The following SPATA16 variants were observed in gnomAD, a reference collection of about 807,000 sequenced individuals.
SPATA16 encodes the protein spermatogenesis associated 16.
A neutral mutation model predicts 63.3 loss-of-function variants in SPATA16; 36 were observed. The observed-to-expected ratio is 0.57, with a 90% CI of 0.44 to 0.75. The LOEUF (loss-of-function observed/expected upper bound fraction) is 0.75. SPATA16 is among the 30% of genes least tolerant of loss of function. The probability of loss-of-function intolerance (pLI) is 0.00; values close to 1 mark genes in which losing one functional copy is unlikely to be tolerated. For synonymous variants in SPATA16, 203 were observed against 216.7 expected, an observed-to-expected ratio of 0.94 and a Z score of 0.56; for missense variants, 646 against 679.3, an observed-to-expected ratio of 0.95 and a Z score of 0.54.
chr3:173,001,272 T>TTTTTTTTTGTTTTTTG lies in SPATA16; in HGVS notation c.848+18213_848+18214insCAAAAAACAAAAAAAA, dbSNP rs1553790848. ...CTTGACCAATGCTTCTCAGTTGTTT[T>TTTTTTTTTGTTTTTTG]TTTTTTTTTGTTTTCACCCTTAGGT... On this transcript the variant is annotated intron_variant, in intron 4 of 10. Coordinates refer to ENST00000351008, the MANE Select transcript of SPATA16 (RefSeq NM_031955.6). 7.4e-4 allele frequency among the ~76,000 whole-genome samples: 112 copies of TTTTTTTTTGTTTTTTG among 151,746 alleles called. 1 individual carries two copies. Among genetic ancestry groups the TTTTTTTTTGTTTTTTG allele is most frequent in the African/African-American group, 2.6e-3 (109 of 41,262 alleles).
chr3:172,932,757 G>C (rs1732899970), intron 6 of SPATA16, among the ~76,000 whole-genome samples: 1 of 151,998 alleles, frequency 6.6e-6, no homozygotes, highest in African/African-American at 2.4e-5. Flanking sequence ...ATCTGAGAAA[G>C]TCATATGTAT....
At chr3:173,011,206 T>C (rs1237969084) in intron 4 of SPATA16, among the ~76,000 whole-genome samples, 2 of 152,158 alleles carry the variant, frequency 1.3e-5, no homozygotes, top group Admixed American at 6.5e-5. Flanking sequence ...AAAAAGTTAA[T>C]TCACCATAAT....
chr3:172,978,153 C>A (rs1001603632), intron 4 of SPATA16, among the ~76,000 whole-genome samples: 6 of 148,798 alleles, frequency 4.0e-5, no homozygotes, highest in African/African-American at 1.5e-4. Context: ...CTCTCTCTCT[C>A]TCTCTCTCTA....
At chr3:173,044,571 T>A (rs1017440104) in intron 3 of SPATA16, among the ~76,000 whole-genome samples, 3 of 152,148 alleles carry the variant, frequency 2.0e-5, no homozygotes, top group Admixed American at 2.0e-4. Context: ...CAGTTCTACA[T>A]CTGGGTCTCG....
rs551746634 is a variant in SPATA16 at position 172,978,387 on chromosome 3, C to T, written c.849-1335G>A. 1.9e-3 allele frequency among the ~76,000 whole-genome samples: 293 copies of T among 152,222 alleles called. 1 individual carries two copies. The highest frequency in any genetic ancestry group is 6.8e-3 in the African/African-American group (282 of 41,552). ...ATTGTAGAGGGACAAAAGTGCATTT[C>T]AAATGTTTGCATTTTGATAGAAGCA... On this transcript the variant is annotated intron_variant, in intron 4 of 10. Coordinates refer to ENST00000351008, the MANE Select transcript of SPATA16 (RefSeq NM_031955.6).
chr3:172,919,565 G>A (rs1363098119), intron 8 of SPATA16, among the ~76,000 whole-genome samples: 2 of 152,150 alleles, frequency 1.3e-5, no homozygotes, highest in East Asian at 3.8e-4. Context: ...TTTACCGACT[G>A]TATTCACCAC....
intron 8 of SPATA16, among the ~76,000 whole-genome samples, chr3:172,920,452 C>T (rs988506547): frequency 6.6e-6 from 1 of 152,114 alleles, no homozygotes; most frequent in Non-Finnish European, 1.5e-5. Flanking sequence ...GGTTTGGAAG[C>T]AAGAGTGTTT....
In SPATA16 at chr3:172,916,208, C is replaced by T. The variant is rs62282586; in HGVS notation, c.1503+109G>A. 6,956 of 1,368,050 alleles carry T rather than the reference C, an allele frequency of 5.1e-3. 32 individuals carry two copies. The highest frequency in any genetic ancestry group is 6.7e-3 in the Non-Finnish European group (6,544 of 978,266). 84.7% of individuals were successfully genotyped at this position (1,368,050 alleles called of 1,614,324 possible). A position where few individuals can be genotyped will look rare whatever the true frequency, so the allele number is the denominator to read the frequency against. On this transcript the variant is annotated intron_variant, in intron 9 of 10. Transcript: ENST00000351008. ...TCAAGAAGGTTTGGGAGTTTGCCCT[C>T]AGGCTACATTTATTACCACAGGATT...
chr3:172,902,896 T>C (rs1732151658), intron 10 of SPATA16, among the ~76,000 whole-genome samples: 1 of 152,212 alleles, frequency 6.6e-6, no homozygotes, highest in African/African-American at 2.4e-5. Flanking sequence ...GGATAAATGA[T>C]CCATGTCTTC....
chr3:172,971,914 A>T (rs1734054980), intron 5 of SPATA16, among the ~76,000 whole-genome samples: 1 of 152,136 alleles, frequency 6.6e-6, no homozygotes, highest in African/African-American at 2.4e-5. Flanking sequence ...AAGGAGTTGT[A>T]AAAGAGTCTT....
chr3:173,065,729 T>C lies in SPATA16; in HGVS notation c.613-16635A>G, dbSNP rs1006917083. Among the ~76,000 whole-genome samples the C allele has an allele frequency of 5.9e-5, 9 of 152,164 alleles. No homozygotes were observed. In the South Asian group the frequency reaches 6.2e-4, roughly 11 times the overall value. ...AGTAAAGTGAGTGTGGGGCTTTGCA[T>C]TGAAACTCAGTGCTGCCCTGTCACA... On this transcript the variant is annotated intron_variant, in intron 2 of 10. Coordinates refer to ENST00000351008, the MANE Select transcript of SPATA16 (RefSeq NM_031955.6).
chr3:173,103,570 G>A (rs59736031), intron 2 of SPATA16, among the ~76,000 whole-genome samples: 8,907 of 152,282 alleles, frequency 0.058, 727 homozygotes, highest in African/African-American at 0.18. Flanking sequence ...CTTTTGAGCC[G>A]CAGCTGGAGC....
intron 4 of SPATA16, among the ~76,000 whole-genome samples, chr3:173,011,319 A>G (rs1057108261): frequency 6.6e-6 from 1 of 152,260 alleles, no homozygotes; most frequent in Non-Finnish European, 1.5e-5. Flanking sequence ...CCATATTATC[A>G]TCTAAATAGA....
intron 5 of SPATA16, among the ~76,000 whole-genome samples, chr3:172,962,492 C>T (rs903921787): frequency 6.6e-6 from 1 of 152,022 alleles, no homozygotes. Flanking sequence ...AAATTTGAAA[C>T]TTGGAATCTC....
At chr3:172,914,218 G>T (rs1338259198) in intron 9 of SPATA16, among the ~76,000 whole-genome samples, 2 of 151,894 alleles carry the variant, frequency 1.3e-5, no homozygotes, top group African/African-American at 4.8e-5. Flanking sequence ...TTCTTTTACT[G>T]TTTTTTTCTT....
At chr3:172,949,838 G>T (rs536240667) in intron 6 of SPATA16, among the ~76,000 whole-genome samples, 1 of 152,224 alleles carries the variant, frequency 6.6e-6, no homozygotes, top group Admixed American at 6.5e-5. Context: ...TAAATTTAGA[G>T]GACGTATCTG....
At chr3:172,971,000 A>G (rs1734035068) in intron 5 of SPATA16, among the ~76,000 whole-genome samples, 1 of 152,182 alleles carries the variant, frequency 6.6e-6, no homozygotes, top group Admixed American at 6.5e-5. Flanking sequence ...CATTATTAGT[A>G]TAAGTAATCA....
At chr3:172,925,621 A>T (rs1732712771) in intron 6 of SPATA16, 129 bp from the exon 7 acceptor site, 6 of 1,108,786 alleles carry the variant, frequency 5.4e-6, no homozygotes, top group Non-Finnish European at 8.0e-6. Flanking sequence ...GTATGAAGTA[A>T]TATTATGTGT....
At chr3:172,955,452 C>T (rs141304114) in intron 6 of SPATA16, among the ~76,000 whole-genome samples, 5 of 152,104 alleles carry the variant, frequency 3.3e-5, no homozygotes, top group African/African-American at 9.6e-5. Context: ...AATATGAGTT[C>T]GAAGACTTTT....
Sources: gnomAD v4.1 joint callset for allele counts (sites outside exome capture counted in the v4.1 genomes callset) on GRCh38, gnomAD v4.1.1 for gene constraint, MANE v1.5 for transcripts, NCBI Gene and HGNC (gene_info 2026-07-23, HGNC 2026-07-21) for gene names.